Variants in CAND1 observed in about 807,000 individuals in gnomAD.
CAND1 encodes cullin-associated NEDD8-dissociated protein 1.
Under a neutral mutation model 108.5 loss-of-function variants are expected in CAND1, and 7 were observed. The ratio of observed to expected loss-of-function variants is 0.06; its 90% confidence interval spans 0.04 to 0.12. The LOEUF (loss-of-function observed/expected upper bound fraction) is 0.12. CAND1 is among the 10% of genes least tolerant of loss of function. CAND1 has a pLI of 1.00. For missense variants in CAND1, 941 were observed against 1,448.7 expected (o/e 0.65, Z 5.69); for synonymous variants, 534 against 512.0 (o/e 1.04, Z -0.58).
At chr12:67,287,010 T>C (rs144048470) in intron 2 of CAND1, among the ~76,000 whole-genome samples, 1 of 152,380 alleles carries the variant, frequency 6.6e-6, no homozygotes, top group Admixed American at 6.5e-5. Context: ...CATTCGTTTA[T>C]TTGTCTATAC....
Position 67,297,487 on chromosome 12 carries a change from T to G in CAND1, c.572T>G (p.Val191Gly). The G allele has an allele frequency of 6.2e-7, 1 of 1,614,046 alleles. No individual in the cohort carries two copies. Among genetic ancestry groups the G allele is most frequent in the Non-Finnish European group, 8.5e-7 (1 of 1,179,972 alleles). ...LPQLTSPRLA[V>G]RKRTIIALGH... is the part of the protein sequence containing the mutation. Reference sequence around the variant, plus strand: ...CAGTTGACCAGCCCTAGACTTGCAGTGAGGAAAAGAACCATTATCGCTCTT... The same window carrying G: ...CAGTTGACCAGCCCTAGACTTGCAGGGAGGAAAAGAACCATTATCGCTCTT... The change falls in exon 5 of 15, where the codon GTG becomes GGG. Residue 191 changes from valine to glycine, a missense_variant. Val to Gly is a moderately radical substitution (Grantham distance 109, BLOSUM62 -3). Coordinates refer to ENST00000545606, the MANE Select transcript of CAND1 (RefSeq NM_018448.5).
rs1491129615 is a variant in CAND1, at chr12:67,313,909, TTC to T, written c.*1080_*1081del. 1 of 152,660 alleles carries T rather than the reference TTC, an allele frequency of 6.6e-6. No homozygotes were observed. Among genetic ancestry groups the T allele is most frequent in the Non-Finnish European group, 1.5e-5 (1 of 68,024 alleles). The allele number at this position is 152,660 out of a possible 1,614,324, so 9.5% of individuals were successfully genotyped here. A position where few individuals can be genotyped will look rare whatever the true frequency, so the allele number is the denominator to read the frequency against. On this transcript the variant is annotated 3_prime_UTR_variant, in exon 15 of 15. Transcript: ENST00000545606. ...ATTTTCTTTTAGTTGAGTTAGGTTT[TTC>T]CCCATCTCCTGTAGAGCGAATTTAC...
At position 67,305,933 on chromosome 12, in the gene CAND1, G is replaced by A; in HGVS notation, c.2265G>A (p.Met755Ile). ...PLLQGGALSA[M>I]LDFFQALVVT... ...TGCAGGGGGGAGCTCTTAGTGCCAT[G>A]CTAGACTTTTTCCAAGCTCTGGTTG... is the stretch of plus-strand genomic sequence containing the variant. The change falls in exon 10 of 15, where the codon ATG becomes ATA. Residue 755 changes from methionine to isoleucine, a missense_variant. Physicochemically the swap from Met to Ile is conservative, Grantham distance 10. Coordinates refer to ENST00000545606, the MANE Select transcript of CAND1 (RefSeq NM_018448.5). This position sits in a 1 kb window ranked among gnomAD's most constrained non-coding sequence, Gnocchi z 4.4. 2 of 1,614,198 alleles carry A rather than the reference G, an allele frequency of 1.2e-6. No individual in the cohort carries two copies. The highest frequency in any genetic ancestry group is 1.1e-5 in the South Asian group (1 of 91,086).
intron 6 of CAND1, among the ~76,000 whole-genome samples, chr12:67,298,278 A>C (rs1035994694): frequency 2.6e-5 from 4 of 152,180 alleles, no homozygotes; most frequent in African/African-American, 4.8e-5. Flanking sequence ...TATATTTTTT[A>C]AAAGCTTAGT....
chr12:67,309,133 C>G (rs141919169), intron 11 of CAND1, among the ~76,000 whole-genome samples: 3 of 152,114 alleles, frequency 2.0e-5, no homozygotes, highest in Non-Finnish European at 4.4e-5. Context: ...ATTTTATTGA[C>G]TGAGAAACTG....
intron 1 of CAND1, among the ~76,000 whole-genome samples, chr12:67,277,775 A>G (rs544248042): frequency 6.6e-6 from 1 of 152,320 alleles, no homozygotes; most frequent in African/African-American, 2.4e-5. Flanking sequence ...GCAAATATGG[A>G]ACCTGGGAAT....
In CAND1 at chr12:67,275,529, GAA is replaced by G. The variant is rs139364600; in HGVS notation, c.68+5756_68+5757del. Among the ~76,000 whole-genome samples the G allele has an allele frequency of 6.1e-5, 8 of 131,448 alleles. No individual in the cohort carries two copies. In the South Asian group the frequency reaches 1.9e-3, roughly 32 times the overall value. 86.2% of individuals were successfully genotyped at this position (131,448 alleles called of 152,430 possible). ...TGACAGAGGGAGACTGTCTCAAAAA[GAA>G]AAAAAAAAAAACTGTTCCAACTTAA... is the stretch of plus-strand genomic sequence containing the variant. On this transcript the variant is annotated intron_variant, in intron 1 of 14. Coordinates refer to ENST00000545606, the MANE Select transcript of CAND1 (RefSeq NM_018448.5).
At position 67,305,322 on chromosome 12, in the gene CAND1, C is replaced by T. The variant is rs1338632858; in HGVS notation, c.1654C>T (p.Pro552Ser). 2 of 1,614,102 alleles carry T rather than the reference C, an allele frequency of 1.2e-6. No homozygotes were observed. The highest frequency in any genetic ancestry group is 1.7e-6 in the Non-Finnish European group (2 of 1,179,992). The change falls in exon 10 of 15, where the codon CCT becomes TCT. Residue 552 changes from proline (P) to serine (S), a missense_variant. By Grantham distance (74) the Pro-to-Ser change is moderately conservative. Transcript: ENST00000545606. This position sits in a 1 kb window ranked among gnomAD's most constrained non-coding sequence, Gnocchi z 4.4. ...VTQQLVKVIR[P>S]LDQPSSFDAT... ...TCAACAGCTTGTCAAAGTAATTCGT[C>T]CTTTAGATCAGCCTTCCTCGTTTGA...
rs929690935 is a variant in CAND1 at position 67,285,054 on chromosome 12, T to C, written c.212+3001T>C. Among the ~76,000 whole-genome samples, 10 of 152,352 alleles carry C rather than the reference T, an allele frequency of 6.6e-5. No individual in the cohort carries two copies. In the East Asian group the frequency reaches 1.9e-3, roughly 29 times the overall value. ...TTTACAAAGTTAGTAGCTTTTCATA[T>C]AAGCTTTTGATAAGTAGCTTTTCAT... On this transcript the variant is annotated intron_variant, in intron 2 of 14. Coordinates refer to ENST00000545606, the MANE Select transcript of CAND1 (RefSeq NM_018448.5).
rs370232694 is a variant in CAND1 at position 67,284,908 on chromosome 12, C to CT, written c.212+2858dup. Among the ~76,000 whole-genome samples the CT allele has an allele frequency of 2.8e-4, 40 of 145,294 alleles. 2 individuals are homozygous for CT. The highest frequency in any genetic ancestry group is 9.4e-4 in the African/African-American group (38 of 40,300). On this transcript the variant is annotated intron_variant, in intron 2 of 14. Transcript: ENST00000545606. ...CTGTTTCTTTTGAGGGTATTAACCA[C>CT]TTTAAGACAGAGGGGTAGGAAGAAA...
chr12:67,282,343 GTTGAGTTAAAGGCCTAC>G (rs143618190), intron 2 of CAND1, among the ~76,000 whole-genome samples: 13,384 of 152,094 alleles, frequency 0.088, 1,291 homozygotes, highest in African/African-American at 0.24. Context: ...TACATTTTTA[GTTGAGTTAAAGGCCTAC>G]TTTCCTCTAT....
chr12:67,274,407 T>C (rs1156562941), intron 1 of CAND1, among the ~76,000 whole-genome samples: 1 of 152,124 alleles, frequency 6.6e-6, no homozygotes, highest in Non-Finnish European at 1.5e-5. Flanking sequence ...AAAGTGAAAA[T>C]GTAAAGCACA....
chr12:67,318,169 T>C lies in CAND1; in HGVS notation c.*5339T>C, dbSNP rs1252364. 0.55 allele frequency: 84,409 copies of C among 152,192 alleles called. 24,531 individuals carry two copies. Among genetic ancestry groups the C allele is most frequent in the Non-Finnish European group, 0.65 (44,382 of 68,096 alleles). 9.4% of individuals were successfully genotyped at this position (152,192 alleles called of 1,614,324 possible). ...GCACATGCCTGTAGTCCCAGCTGTG[T>C]GGGAGGCTGAGGCAGGGGAATTGCT... On this transcript the variant is annotated 3_prime_UTR_variant, in exon 15 of 15. Coordinates refer to ENST00000545606, the MANE Select transcript of CAND1 (RefSeq NM_018448.5).
At position 67,304,724 on chromosome 12, in the gene CAND1, A is replaced by G. The variant is rs551290713; in HGVS notation, c.1413A>G (p.Gln471=). The stretch of plus-strand genomic sequence containing the variant: ...ATGTATTACCTGGGGCCCTAACTCA[A>G]CACATTCCTGTACTTGTACCAGGTA... ...LVNVLPGALT[Q]HIPVLVPGII... Residue 471 remains glutamine, a synonymous_variant, in exon 9 of 15, where the codon CAA becomes CAG. Transcript: ENST00000545606. 2.5e-6 allele frequency: 4 copies of G among 1,613,906 alleles called. No individual in the cohort carries two copies. The highest frequency in any genetic ancestry group is 2.2e-5 in the East Asian group (1 of 44,818).
intron 11 of CAND1, 58 bp from the exon 12 acceptor site, chr12:67,309,843 T>C (rs574317243): frequency 4.4e-6 from 5 of 1,140,256 alleles, no homozygotes; most frequent in Admixed American, 4.6e-5. Flanking sequence ...GAAAATATAA[T>C]GTATATTGTA....
chr12:67,307,649 A>C (rs1215971115), intron 11 of CAND1, among the ~76,000 whole-genome samples, 157 bp downstream of exon 11: 1 of 152,106 alleles, frequency 6.6e-6, no homozygotes. Context: ...AACAAATTGC[A>C]TTTGCCTGTA....
chr12:67,285,612 A>C, intron 2 of CAND1, among the ~76,000 whole-genome samples: 1 of 152,188 alleles, frequency 6.6e-6, no homozygotes, highest in Non-Finnish European at 1.5e-5. Context: ...GTATGTTATG[A>C]AGGTGGCATC....
Position 67,302,530 on chromosome 12 carries a change from A to G in CAND1, c.1208A>G (p.Lys403Arg), listed in dbSNP as rs770957493. The G allele has an allele frequency of 1.2e-6, 2 of 1,614,154 alleles. No individual in the cohort carries two copies. The highest frequency in any genetic ancestry group is 4.5e-5 in the East Asian group (2 of 44,882). Residue 403 changes from lysine to arginine, a missense_variant, in exon 8 of 15, where the codon AAG (lysine) becomes AGG (arginine). Transcript: ENST00000545606. ...TTTCACGCATACCTTTCTCTTTTGAAGCAAACTCGTCCTGTACAAAGTTGG... is the reference window on the plus strand; with the variant it reads ...TTTCACGCATACCTTTCTCTTTTGAGGCAAACTCGTCCTGTACAAAGTTGG... ...DVFHAYLSLL[K>R]QTRPVQSWLC...
chr12:67,305,783 T>C lies in CAND1; in HGVS notation c.2115T>C (p.Asp705=), dbSNP rs2044876348. 2 of 1,614,178 alleles carry C rather than the reference T, an allele frequency of 1.2e-6. No homozygotes were observed. Among genetic ancestry groups the C allele is most frequent in the Non-Finnish European group, 8.5e-7 (1 of 1,179,994 alleles). ...TCCCACCTCTTATCAGCGAAAGTGATATGCATGTTTCACAAATGGCCATCA... is the reference window on the plus strand; with the variant it reads ...TCCCACCTCTTATCAGCGAAAGTGACATGCATGTTTCACAAATGGCCATCA... The part of the protein sequence containing the change: ...DELPPLISES[D]MHVSQMAISF... Residue 705 remains aspartate, a synonymous_variant, in exon 10 of 15, where the codon GAT becomes GAC. Coordinates refer to ENST00000545606, the MANE Select transcript of CAND1 (RefSeq NM_018448.5). The surrounding 1 kb of genome is among the most constrained non-coding windows in gnomAD (Gnocchi z 4.4).
Sources: allele counts gnomAD v4.1 joint callset (sites outside exome capture counted in the v4.1 genomes callset), GRCh38; gene constraint gnomAD v4.1.1; non-coding constraint Gnocchi (gnomAD v3.1); transcripts MANE v1.5; gene names NCBI Gene and HGNC (gene_info 2026-07-23, HGNC 2026-07-21).